NCOR1: variants seen among roughly 807,000 people sequenced by gnomAD.
NCOR1 encodes protein phosphatase 1, regulatory subunit 109.
A neutral mutation model predicts 288.1 loss-of-function variants in NCOR1; 63 were observed. That is an observed-to-expected ratio of 0.22 (90% CI 0.18 to 0.27). The LOEUF is 0.27. Among genes scored for constraint, NCOR1 ranks in the 10% least tolerant of loss-of-function variants. The pLI is 1.00. For missense variants in NCOR1, 2,397 were observed against 3,019.2 expected (o/e 0.79, Z 4.83); for synonymous variants, 1,007 against 1,065.9 (o/e 0.94, Z 1.08).
At chr17:16,177,474 T>A (rs1009201817) in intron 3 of NCOR1, among the ~76,000 whole-genome samples, 2 of 152,180 alleles carry the variant, frequency 1.3e-5, no homozygotes, top group Non-Finnish European at 2.9e-5. Context: ...GCAGCCTTTC[T>A]CTTTGGCGTG....
Position 16,158,820 on chromosome 17 carries a change from G to C in NCOR1, c.672C>G (p.Ser224=), listed in dbSNP as rs72835314. The C allele has an allele frequency of 3.2e-5, 52 of 1,614,054 alleles. No individual in the cohort carries two copies. Among genetic ancestry groups the C allele is most frequent in the Non-Finnish European group, 4.2e-5 (49 of 1,179,982 alleles). The change falls in exon 6 of 46, where the codon TCC becomes TCG. Residue 224 remains serine, a synonymous_variant. Transcript: ENST00000268712. ...GGTGTTTCTGCTCCACAGGAGGAGG[G>C]GACACGGGCTTCTCAGGCTCAGGAG... ...AKPPEPEKPV[S]PPPVEQKHRS...
chr17:16,187,125 G>T (rs1367082162), intron 2 of NCOR1, among the ~76,000 whole-genome samples: 1 of 151,796 alleles, frequency 6.6e-6, no homozygotes, highest in Non-Finnish European at 1.5e-5. Context: ...TGCTAGTTAA[G>T]AGTAGTAGTT....
intron 7 of NCOR1, 95 bp from the exon 8 acceptor site, chr17:16,152,093 A>C (rs2078955353): frequency 5.7e-6 from 4 of 702,698 alleles, no homozygotes; most frequent in South Asian, 2.6e-5. Flanking sequence ...CAGGTAAAGT[A>C]CTAATGGATC....
intron 44 of NCOR1, 164 bp downstream of exon 44, chr17:16,039,268 CT>C (rs1483927303): frequency 3.1e-6 from 2 of 642,894 alleles, no homozygotes; most frequent in Non-Finnish European, 5.3e-6. Flanking sequence ...ATTATAATGT[CT>C]GGGTAGGTTT....
At chr17:16,034,313 G>T (rs147245953) in intron 45 of NCOR1, among the ~76,000 whole-genome samples, 1 of 152,198 alleles carries the variant, frequency 6.6e-6, no homozygotes, top group African/African-American at 2.4e-5. Flanking sequence ...TCTATTCTGG[G>T]TGTGTGCATT....
At chr17:16,106,469 A>C (rs1246082024) in intron 19 of NCOR1, among the ~76,000 whole-genome samples, 2 of 152,114 alleles carry the variant, frequency 1.3e-5, no homozygotes, top group Non-Finnish European at 2.9e-5. Context: ...ATGTAGAAAA[A>C]GAGAACAAGA....
chr17:16,207,872 CTG>C (rs1568692563), intron 1 of NCOR1, among the ~76,000 whole-genome samples: 1 of 151,716 alleles, frequency 6.6e-6, no homozygotes, highest in Non-Finnish European at 1.5e-5. Flanking sequence ...CTCGAGTACA[CTG>C]TAATGGGGGA....
intron 45 of NCOR1, among the ~76,000 whole-genome samples, chr17:16,033,100 C>T (rs1346684853): frequency 6.6e-6 from 1 of 152,170 alleles, no homozygotes; most frequent in East Asian, 1.9e-4. Flanking sequence ...AATCCCAGCA[C>T]TTTGGGAGGC....
chr17:16,195,356 AGCTACTTGGGAG>A (rs2089539597), intron 1 of NCOR1, among the ~76,000 whole-genome samples: 1 of 152,154 alleles, frequency 6.6e-6, no homozygotes, highest in Non-Finnish European at 1.5e-5. Flanking sequence ...CTGTAATCCC[AGCTACTTGGGAG>A]GCTGAGGCAG....
intron 27 of NCOR1, among the ~76,000 whole-genome samples, chr17:16,074,488 A>T (rs2062150409): frequency 1.3e-5 from 2 of 152,250 alleles, no homozygotes; most frequent in African/African-American, 2.4e-5. Context: ...TGGACAACGT[A>T]CATTATTAAT....
rs1416905671 is a variant in NCOR1, at chr17:16,068,130, A to G, written c.4514-9T>C. On this transcript the variant is annotated splice_polypyrimidine_tract_variant and intron_variant, in intron 31 of 45. Transcript: ENST00000268712. Reference sequence around the variant, plus strand: ...GTTAGAAGAAATTGTAACTGGAAAAAAAGAGCCAATGCCACAAGTTCTTAA... The same window carrying G: ...GTTAGAAGAAATTGTAACTGGAAAAGAAGAGCCAATGCCACAAGTTCTTAA... 10 of 1,588,870 alleles carry G rather than the reference A, an allele frequency of 6.3e-6. No homozygotes were observed. Among genetic ancestry groups the G allele is most frequent in the Non-Finnish European group, 8.6e-6 (10 of 1,163,596 alleles).
chr17:16,165,406 T>C (rs556707366), intron 4 of NCOR1, among the ~76,000 whole-genome samples: 3 of 152,322 alleles, frequency 2.0e-5, no homozygotes, highest in Non-Finnish European at 4.4e-5. Context: ...TTAGTGTTGA[T>C]CAGCCTCTAG....
rs2153054319 is a variant in NCOR1, at chr17:16,108,793, G to C, written c.2175C>G (p.Asp725Glu). ...TTTAAAATTTTGAGATACCTTCGCTGTCTTCTGGATTTTCTTCTTCATTGG... is the reference window on the plus strand; with the variant it reads ...TTTAAAATTTTGAGATACCTTCGCTCTCTTCTGGATTTTCTTCTTCATTGG... ...EASNEEENPE[D>E]SEVEAVKPSE... is the part of the protein sequence containing the mutation. The change falls in exon 19 of 46, where the codon GAC (aspartate) becomes GAG (glutamate). Residue 725 changes from aspartate to glutamate, a missense_variant. Asp to Glu is a conservative substitution (Grantham distance 45). Transcript: ENST00000268712. 1 of 1,592,396 alleles carries C rather than the reference G, an allele frequency of 6.3e-7. No individual in the cohort carries two copies. Among genetic ancestry groups the C allele is most frequent in the South Asian group, 1.2e-5 (1 of 86,480 alleles).
At position 16,070,233 on chromosome 17, in the gene NCOR1, C is replaced by G. The variant is rs143125039; in HGVS notation, c.4445G>C (p.Arg1482Pro). 2 of 1,613,814 alleles carry G rather than the reference C, an allele frequency of 1.2e-6. No homozygotes were observed. The highest frequency in any genetic ancestry group is 8.5e-7 in the Non-Finnish European group (1 of 1,180,022). The change falls in exon 31 of 46, where the codon CGG (arginine) becomes CCG (proline). Residue 1482 changes from arginine (R) to proline (P), a missense_variant. Transcript: ENST00000268712. ...GTTTTGATAACTCACAGGGGTCCTC[C>G]GTGCACTGGTGTCATCATAAATCCC... ...SPGIYDDTSA[R>P]RTPVSYQNTM...
intron 6 of NCOR1, among the ~76,000 whole-genome samples, chr17:16,153,925 G>A (rs2079265578): frequency 6.7e-6 from 1 of 149,778 alleles, no homozygotes; most frequent in Non-Finnish European, 1.5e-5. Flanking sequence ...AGTAATAGCT[G>A]AACAACAAAG....
intron 21 of NCOR1, among the ~76,000 whole-genome samples, chr17:16,094,742 T>A (rs979187892): frequency 1.3e-5 from 2 of 152,314 alleles, no homozygotes; most frequent in African/African-American, 4.8e-5. Flanking sequence ...TTTTCGTATT[T>A]TTTTGGTGGA....
intron 21 of NCOR1, among the ~76,000 whole-genome samples, chr17:16,094,340 A>C (rs1393251108): frequency 2.6e-5 from 4 of 152,230 alleles, no homozygotes; most frequent in African/African-American, 4.8e-5. Context: ...GAGTCAGTGA[A>C]TGAACAAATG....
At chr17:16,171,742 A>G in intron 4 of NCOR1, 61 bp downstream of exon 4, 1 of 1,362,552 alleles carries the variant, frequency 7.3e-7, no homozygotes, top group Non-Finnish European at 9.7e-7. Flanking sequence ...GCTATGCATG[A>G]GTATAACTAA....
chr17:16,058,946 G>A (rs1341603877), intron 37 of NCOR1, among the ~76,000 whole-genome samples: 1 of 151,468 alleles, frequency 6.6e-6, no homozygotes, highest in Non-Finnish European at 1.5e-5. Context: ...CTACTCGGGA[G>A]GCTGAGGCCG....
Sources: gnomAD v4.1 joint callset for allele counts (sites outside exome capture counted in the v4.1 genomes callset) on GRCh38, gnomAD v4.1.1 for gene constraint, MANE v1.5 for transcripts, NCBI Gene and HGNC (gene_info 2026-07-23, HGNC 2026-07-21) for gene names.